Variants in SFXN1 observed in about 807,000 individuals in gnomAD.
The protein encoded by SFXN1 is sideroflexin 1.
In SFXN1, 32 loss-of-function variants were observed where a neutral mutation model predicts 39.5. The ratio of observed to expected loss-of-function variants is 0.81; its 90% CI spans 0.61 to 1.09. The LOEUF is 1.09. Among genes scored for constraint, SFXN1 ranks in the 50% least tolerant of loss-of-function variants. The pLI is 0.00. For synonymous variants in SFXN1, 136 were observed against 146.5 expected (o/e 0.93, Z 0.52); for missense variants, 402 against 407.1 (o/e 0.99, Z 0.11).
chr5:175,487,210 T>C (rs1759482291), intron 1 of SFXN1, among the ~76,000 whole-genome samples: 2 of 152,228 alleles, frequency 1.3e-5, no homozygotes, highest in Non-Finnish European at 2.9e-5. Flanking sequence ...AGCCTTATGC[T>C]GGACCTCCTG....
chr5:175,514,198 G>A (rs1760640266), intron 7 of SFXN1, among the ~76,000 whole-genome samples: 1 of 152,162 alleles, frequency 6.6e-6, no homozygotes, highest in Admixed American at 6.5e-5. Context: ...ATCCAGGCAA[G>A]AGGCAGTGAT....
intron 1 of SFXN1, 44 bp from the exon 2 acceptor site, chr5:175,492,051 A>AT: frequency 6.8e-7 from 1 of 1,470,844 alleles, no homozygotes; most frequent in Non-Finnish European, 9.2e-7. Flanking sequence ...ATACGTAGTG[A>AT]CATTGTAAGC....
chr5:175,505,295 G>A (rs1223625828), intron 2 of SFXN1, among the ~76,000 whole-genome samples: 24 of 151,806 alleles, frequency 1.6e-4, no homozygotes, highest in Non-Finnish European at 2.9e-5. Context: ...AGCACTTTGG[G>A]AGGCCGAGGC....
Position 175,492,146 on chromosome 5 carries a change from C to T in SFXN1, c.43C>T (p.Arg15Ter), listed in dbSNP as rs762041499. ...LPPNINIKEP[R>*]WDQSTFIGRA... The stretch of plus-strand genomic sequence containing the variant: ...ACCAAACATTAACATCAAGGAACCT[C>T]GATGGGATCAAAGCACTTTCATTGG... Residue 15 changes from arginine (R) to a stop codon, truncating the protein, a stop_gained, in exon 2 of 11, where the codon CGA becomes TGA. Transcript: ENST00000321442. LOFTEE classifies it high-confidence loss of function. 9.3e-6 allele frequency: 15 copies of T among 1,613,734 alleles called. No individual in the cohort carries two copies. Among genetic ancestry groups the T allele is most frequent in the Middle Eastern group, 1.6e-4 (1 of 6,080 alleles).
At chr5:175,485,532 A>G (rs1465155409) in intron 1 of SFXN1, among the ~76,000 whole-genome samples, 1 of 152,184 alleles carries the variant, frequency 6.6e-6, no homozygotes, top group African/African-American at 2.4e-5. Flanking sequence ...GGGCCAACCA[A>G]ATATTCCAGG....
At chr5:175,502,447 C>T (rs1760120073) in intron 2 of SFXN1, among the ~76,000 whole-genome samples, 1 of 152,164 alleles carries the variant, frequency 6.6e-6, no homozygotes. Flanking sequence ...GGATTACAAG[C>T]AAGATAGAGT....
chr5:175,511,415 C>T, intron 4 of SFXN1, 36 bp from the exon 5 acceptor site: 2 of 1,538,300 alleles, frequency 1.3e-6, no homozygotes, highest in Non-Finnish European at 1.8e-6. Flanking sequence ...CCTGACATGC[C>T]CTCGTCGTCC....
Position 175,522,425 on chromosome 5 carries a change from A to G in SFXN1, c.872+3A>G. On this transcript the variant is annotated splice_donor_region_variant and intron_variant, in intron 10 of 10. Coordinates refer to ENST00000321442, the MANE Select transcript of SFXN1 (RefSeq NM_022754.7). ...TGTGCCCTGTTTCCTCAGAAAAGGT[A>G]TGTATTTGTTATTCGTCAGAATCAT... 6.8e-6 allele frequency: 11 copies of G among 1,611,778 alleles called. No individual in the cohort carries two copies. The highest frequency in any genetic ancestry group is 9.3e-6 in the Non-Finnish European group (11 of 1,179,522).
chr5:175,501,095 G>A (rs2113304628), intron 2 of SFXN1, among the ~76,000 whole-genome samples: 1 of 131,202 alleles, frequency 7.6e-6, no homozygotes, highest in South Asian at 2.4e-4. Flanking sequence ...TTGAGACAGA[G>A]TCTCGCTCTG....
At chr5:175,522,347 T>G (rs1348082449) in intron 9 of SFXN1, 28 bp from the exon 10 acceptor site, 4 of 1,572,342 alleles carry the variant, frequency 2.5e-6, no homozygotes, top group Non-Finnish European at 3.4e-6. Context: ...TTTAAAATGG[T>G]CTGACTTTTT....
In SFXN1 at chr5:175,513,573, T is replaced by TG; in HGVS notation, c.709dup (p.Ala237GlyfsTer69). The TG allele has an allele frequency of 1.2e-6, 2 of 1,613,826 alleles. No individual in the cohort carries two copies. The highest frequency in any genetic ancestry group is 1.7e-6 in the Non-Finnish European group (2 of 1,179,856). On this transcript the variant is annotated frameshift_variant, in exon 7 of 11. Transcript: ENST00000321442. LOFTEE classifies it high-confidence loss of function. ...CAAGTTGTCGTGTCCAGGATTCTCA[T>TG]GGCAGCCCCTGGCATGGGTTAGCAG...
intron 1 of SFXN1, among the ~76,000 whole-genome samples, chr5:175,488,858 G>A (rs1759550700): frequency 6.6e-6 from 1 of 152,166 alleles, no homozygotes; most frequent in South Asian, 2.1e-4. Context: ...TTCTTATCCT[G>A]TTCTGGGGTA....
intron 1 of SFXN1, among the ~76,000 whole-genome samples, chr5:175,479,318 C>T (rs1464843657): frequency 6.6e-6 from 1 of 152,120 alleles, no homozygotes; most frequent in Admixed American, 6.5e-5. Context: ...TACACTCTTC[C>T]GGCCCTGCGA....
At chr5:175,499,026 G>A (rs1348968021) in intron 2 of SFXN1, among the ~76,000 whole-genome samples, 7 of 152,032 alleles carry the variant, frequency 4.6e-5, no homozygotes, top group African/African-American at 9.7e-5. Context: ...AGGCTGAGGC[G>A]GGCAAATCAC....
rs1267633062 is a variant in SFXN1, at chr5:175,509,148, C to T, written c.281C>T (p.Ser94Leu). Reference protein sequence around the residue: ...GEKMILIGRMSAQVPMNMTIT... With the variant: ...GEKMILIGRMLAQVPMNMTIT... ...AAGATGATTTTGATAGGAAGAATGT[C>T]AGCCCAGGTTCCCATGAACATGACC... The change falls in exon 3 of 11, where the codon TCA (serine) becomes TTA (leucine). Residue 94 changes from serine to leucine, a missense_variant. Physicochemically the swap from Ser to Leu is moderately radical, Grantham distance 145. Transcript: ENST00000321442. 1 of 1,613,720 alleles carries T rather than the reference C, an allele frequency of 6.2e-7. No individual in the cohort carries two copies. The highest frequency in any genetic ancestry group is 1.7e-5 in the Admixed American group (1 of 59,916).
chr5:175,515,026 T>C (rs112411645), intron 7 of SFXN1, among the ~76,000 whole-genome samples: 1,523 of 152,222 alleles, frequency 0.01, 8 homozygotes, highest in Non-Finnish European at 0.014. Flanking sequence ...TTGTCGTCGT[T>C]GTTTTTGAGA....
rs1309253982 is a variant in SFXN1, at chr5:175,511,523, C to A, written c.507C>A (p.Thr169=). Residue 169 remains threonine, a synonymous_variant, in exon 5 of 11, where the codon ACC becomes ACA. Coordinates refer to ENST00000321442, the MANE Select transcript of SFXN1 (RefSeq NM_022754.7). ...VATALGLNAL[T]KHVSPLIGRF... ...CAGCTCTAGGACTCAATGCATTGAC[C>A]AAGGTACTCAGATTTTTATTTCCAT... is the stretch of plus-strand genomic sequence containing the variant. 6.2e-7 allele frequency: 1 copy of A among 1,612,284 alleles called. No homozygotes were observed. Among genetic ancestry groups the A allele is most frequent in the Non-Finnish European group, 8.5e-7 (1 of 1,178,980 alleles).
intron 2 of SFXN1, among the ~76,000 whole-genome samples, chr5:175,499,960 G>A (rs996585029): frequency 5.9e-5 from 9 of 152,262 alleles, no homozygotes; most frequent in Admixed American, 1.3e-4. Context: ...AGGCCAAGGC[G>A]GGTGGATCAC....
intron 2 of SFXN1, among the ~76,000 whole-genome samples, chr5:175,508,827 G>C (rs964318410): frequency 6.6e-6 from 1 of 151,484 alleles, no homozygotes; most frequent in Non-Finnish European, 1.5e-5. Context: ...TAGTAGAGAC[G>C]GGTTTCACCA....
Sources: allele counts gnomAD v4.1 joint callset (sites outside exome capture counted in the v4.1 genomes callset), GRCh38; gene constraint gnomAD v4.1.1; transcripts MANE v1.5; gene names NCBI Gene and HGNC (gene_info 2026-07-23, HGNC 2026-07-21).